The following FIGN variants were observed in gnomAD, a reference collection of about 807,000 sequenced individuals.
FIGN encodes fidgetin, microtubule severing factor.
FIGN carries 11 observed loss-of-function variants against 51.3 expected under a neutral mutation model. That is an observed-to-expected ratio of 0.21 (90% CI 0.13 to 0.35). The LOEUF is 0.35. Ranked by LOEUF, FIGN falls within the 10% of genes least tolerant of loss-of-function variation. The pLI is 1.00. For missense variants in FIGN, 857 were observed against 943.6 expected (o/e 0.91, Z 1.20); for synonymous variants, 407 against 363.2 (o/e 1.12, Z -1.37).
intron 2 of FIGN, among the ~76,000 whole-genome samples, chr2:163,728,412 ACAC>A (rs1471669182): frequency 6.6e-6 from 1 of 151,504 alleles, no homozygotes; most frequent in Non-Finnish European, 1.5e-5. Flanking sequence ...ACACACACAC[ACAC>A]ACACACACAC....
chr2:163,650,927 C>A (rs536769641), intron 2 of FIGN, among the ~76,000 whole-genome samples: 1 of 152,246 alleles, frequency 6.6e-6, no homozygotes, highest in African/African-American at 2.4e-5. Flanking sequence ...ACTGAATTCC[C>A]TGCAATATTG....
At chr2:163,667,882 C>T (rs983659570) in intron 2 of FIGN, among the ~76,000 whole-genome samples, 4 of 152,112 alleles carry the variant, frequency 2.6e-5, no homozygotes, top group African/African-American at 4.8e-5. Context: ...GCATCCCTAG[C>T]GCAGAGCCTG....
intron 2 of FIGN, among the ~76,000 whole-genome samples, chr2:163,679,975 A>C (rs991663040): frequency 5.9e-5 from 9 of 152,218 alleles, no homozygotes; most frequent in Non-Finnish European, 1.3e-4. Flanking sequence ...AATGTCATGA[A>C]GTTTGTTAGC....
intron 2 of FIGN, among the ~76,000 whole-genome samples, chr2:163,706,686 T>C: frequency 6.6e-6 from 1 of 152,170 alleles, no homozygotes; most frequent in Non-Finnish European, 1.5e-5. Context: ...ATGCTTTTGG[T>C]TTGATATAAT....
Position 163,726,443 on chromosome 2 carries a change from TAAAA to T in FIGN, c.25+8456_25+8459del, listed in dbSNP as rs1169567757. Among the ~76,000 whole-genome samples, 3 of 152,080 alleles carry T rather than the reference TAAAA, an allele frequency of 2.0e-5. No homozygotes were observed. The East Asian group carries it at 5.8e-4, about 29-fold the overall frequency. ...TTTAATATAGATGTGCTTTAGAAAGTAAAAATGGTGATTATTCTTAACAAGTTAC... is the reference window on the plus strand; with the variant it reads ...TTTAATATAGATGTGCTTTAGAAAGTATGGTGATTATTCTTAACAAGTTAC... On this transcript the variant is annotated intron_variant, in intron 2 of 2. Coordinates refer to ENST00000333129, the MANE Select transcript of FIGN (RefSeq NM_018086.4).
chr2:163,713,608 A>G lies in FIGN; in HGVS notation c.25+21295T>C, dbSNP rs561712893. On this transcript the variant is annotated intron_variant, in intron 2 of 2. Coordinates refer to ENST00000333129, the MANE Select transcript of FIGN (RefSeq NM_018086.4). Reference sequence around the variant, plus strand: ...AGTTTTAACTTTGATTCTAGTTTAAATGATGTACCATTTTCTTCTCCTCCT... The same window carrying G: ...AGTTTTAACTTTGATTCTAGTTTAAGTGATGTACCATTTTCTTCTCCTCCT... Among the ~76,000 whole-genome samples the G allele has an allele frequency of 9.2e-5, 14 of 152,302 alleles. No individual in the cohort carries two copies. In the East Asian group the frequency reaches 2.7e-3, roughly 29 times the overall value.
At chr2:163,713,135 C>T (rs1241120031) in intron 2 of FIGN, among the ~76,000 whole-genome samples, 1 of 152,128 alleles carries the variant, frequency 6.6e-6, no homozygotes, top group Non-Finnish European at 1.5e-5. Context: ...AGTCATTGTC[C>T]TTAAATTCAG....
intron 2 of FIGN, among the ~76,000 whole-genome samples, chr2:163,719,700 A>G (rs1279100203): frequency 1.3e-5 from 2 of 152,204 alleles, no homozygotes; most frequent in Non-Finnish European, 2.9e-5. Flanking sequence ...AAGAAAAACT[A>G]GCAGCCTGCA....
rs1691262909 is a variant in FIGN at position 163,611,598 on chromosome 2, A to G, written c.234T>C (p.Ile78=). Reference sequence around the variant, plus strand: ...CGGGTCGGTCCACAGGACCTTCCAAAATGCCGGAATACTTCTCTGCATATT... The same window carrying G: ...CGGGTCGGTCCACAGGACCTTCCAAGATGCCGGAATACTTCTCTGCATATT... The part of the protein sequence containing the change: ...LKKYAEKYSG[I]LEGPVDRPVL... The change falls in exon 3 of 3, where the codon ATT becomes ATC. Residue 78 remains isoleucine, a synonymous_variant. Coordinates refer to ENST00000333129, the MANE Select transcript of FIGN (RefSeq NM_018086.4). 1.2e-6 allele frequency: 2 copies of G among 1,614,056 alleles called. No homozygotes were observed. Among genetic ancestry groups the G allele is most frequent in the Non-Finnish European group, 1.7e-6 (2 of 1,180,036 alleles).
intron 2 of FIGN, among the ~76,000 whole-genome samples, chr2:163,651,225 G>C (rs1683470247): frequency 6.6e-6 from 1 of 152,164 alleles, no homozygotes; most frequent in African/African-American, 2.4e-5. Context: ...CCCTTTGGGA[G>C]GCCAAGGCAT....
chr2:163,643,421 C>T (rs767624358), intron 2 of FIGN, among the ~76,000 whole-genome samples: 12 of 152,074 alleles, frequency 7.9e-5, no homozygotes, highest in Admixed American at 2.6e-4. Context: ...GAGGCCAAGG[C>T]AGGTGGATAA....
chr2:163,629,151 T>C (rs904433939), intron 2 of FIGN, among the ~76,000 whole-genome samples: 1 of 152,040 alleles, frequency 6.6e-6, no homozygotes, highest in Non-Finnish European at 1.5e-5. Flanking sequence ...AGAATAAAAC[T>C]CTTCGGTTAT....
At chr2:163,722,872 AT>A (rs1684780283) in intron 2 of FIGN, among the ~76,000 whole-genome samples, 1 of 151,942 alleles carries the variant, frequency 6.6e-6, no homozygotes, top group Non-Finnish European at 1.5e-5. Context: ...TCATCTTTTA[AT>A]TTTTTAAAAT....
chr2:163,664,077 G>GTA, intron 2 of FIGN, among the ~76,000 whole-genome samples: 1 of 152,098 alleles, frequency 6.6e-6, no homozygotes, highest in East Asian at 1.9e-4. Flanking sequence ...GTAATTGTAG[G>GTA]TATGTGTGTG....
Position 163,611,688 on chromosome 2 carries a change from G to A in FIGN, c.144C>T (p.Arg48=). The A allele has an allele frequency of 1.2e-6, 2 of 1,614,162 alleles. No homozygotes were observed. The highest frequency in any genetic ancestry group is 2.2e-5 in the South Asian group (2 of 91,084). ...KVEAYRGHLQ[R]TYQYAWANDD... Reference sequence around the variant, plus strand: ...CATTCGCCCAGGCGTACTGATAGGTGCGCTGCAGATGACCTCTGTAGGCTT... The same window carrying A: ...CATTCGCCCAGGCGTACTGATAGGTACGCTGCAGATGACCTCTGTAGGCTT... The change falls in exon 3 of 3, where the codon CGC becomes CGT. Residue 48 remains arginine (R), a synonymous_variant. Coordinates refer to ENST00000333129, the MANE Select transcript of FIGN (RefSeq NM_018086.4).
chr2:163,664,269 C>T (rs1053641753), intron 2 of FIGN, among the ~76,000 whole-genome samples: 1 of 152,128 alleles, frequency 6.6e-6, no homozygotes, highest in Non-Finnish European at 1.5e-5. Flanking sequence ...TGTTGTTAAT[C>T]GTTCCTTTCT....
intron 2 of FIGN, among the ~76,000 whole-genome samples, chr2:163,668,657 T>C (rs1683823801): frequency 6.6e-6 from 1 of 152,116 alleles, no homozygotes; most frequent in African/African-American, 2.4e-5. Context: ...AGAGATGTAG[T>C]AGGCCAGGCG....
In FIGN at chr2:163,609,329, A is replaced by T. The variant is rs1691178387; in HGVS notation, c.*223T>A. ...TTGTCTAGCTTGAACAGAACTGAGC[A>T]TCCACATATGCTTTCTGTCATCTGG... On this transcript the variant is annotated 3_prime_UTR_variant, in exon 3 of 3. Transcript: ENST00000333129. The T allele has an allele frequency of 3.6e-6, 2 of 556,742 alleles. No homozygotes were observed. The highest frequency in any genetic ancestry group is 4.9e-5 in the South Asian group (2 of 40,500). 34.5% of individuals were successfully genotyped at this position (556,742 alleles called of 1,614,324 possible).
intron 2 of FIGN, among the ~76,000 whole-genome samples, chr2:163,637,141 T>C (rs1322357468): frequency 6.6e-6 from 1 of 152,154 alleles, no homozygotes; most frequent in Non-Finnish European, 1.5e-5. Context: ...TAAATGTGTA[T>C]TGAGGGACTA....
Sources: allele counts gnomAD v4.1 joint callset (sites outside exome capture counted in the v4.1 genomes callset), GRCh38; gene constraint gnomAD v4.1.1; transcripts MANE v1.5; gene names NCBI Gene and HGNC (gene_info 2026-07-23, HGNC 2026-07-21).